Variants in MYH11 observed in about 807,000 individuals in gnomAD.
MYH11 encodes the protein myosin heavy chain 11.
Under a neutral mutation model 246.6 loss-of-function variants are expected in MYH11, and 80 were observed. The observed-to-expected ratio is 0.32, with a 90% CI of 0.27 to 0.39. The LOEUF (loss-of-function observed/expected upper bound fraction) is 0.39, where lower values mean the gene tolerates loss of function less well. Ranked by LOEUF, MYH11 falls within the 10% of genes least tolerant of loss-of-function variation. MYH11 has a pLI of 1.00. For synonymous variants in MYH11, 1,071 were observed against 1,015.5 expected (o/e 1.05, Z -1.04); for missense variants, 2,158 against 2,546.8 (o/e 0.85, Z 3.29).
intron 5 of MYH11, among the ~76,000 whole-genome samples, chr16:15,784,205 G>C (rs1020598428): frequency 6.6e-6 from 1 of 152,104 alleles, no homozygotes; most frequent in Non-Finnish European, 1.5e-5. Context: ...GGACACACTG[G>C]TGCACCAGGG....
intron 1 of MYH11, among the ~76,000 whole-genome samples, chr16:15,854,910 C>G (rs1287082811): frequency 6.7e-6 from 1 of 148,842 alleles, no homozygotes; most frequent in African/African-American, 2.5e-5. Flanking sequence ...CAAATCTCTT[C>G]TCCTTAGGGT....
chr16:15,753,557 AG>A lies in MYH11; in HGVS notation c.1750-50del, dbSNP rs757941230. On this transcript the variant is annotated intron_variant, in intron 14 of 40. Transcript: ENST00000300036. ...AGAACCCCTGGGAAACTAGAAACTT[AG>A]AAACCAAGGCCAGGACCCCAGCCCT... 6 of 1,472,264 alleles carry A rather than the reference AG, an allele frequency of 4.1e-6. No homozygotes were observed. In the Admixed American group the frequency reaches 1.0e-4, roughly 25 times the overall value. The allele number at this position is 1,472,264 out of a possible 1,614,324, so 91.2% of individuals were successfully genotyped here.
At position 15,705,430 on chromosome 16, in the gene MYH11, AAG is replaced by A. The variant is rs1237813553; in HGVS notation, c.5787-1309_5787-1308del. Among the ~76,000 whole-genome samples, 5 of 152,284 alleles carry A rather than the reference AAG, an allele frequency of 3.3e-5. No homozygotes were observed. The East Asian group carries it at 9.7e-4, about 29-fold the overall frequency. ...GTGAGGGGAGACTTTGGGTAGGAGG[AAG>A]AGAGTGGGCAGAAGAAGGAAAAATC... On this transcript the variant is annotated intron_variant, in intron 40 of 40. Coordinates refer to ENST00000300036, the MANE Select transcript of MYH11 (RefSeq NM_002474.3).
At chr16:15,763,741 T>TGGGGCCCCCC in intron 10 of MYH11, 55 bp downstream of exon 10, 8 of 646,820 alleles carry the variant, frequency 1.2e-5, no homozygotes, top group African/African-American at 2.1e-5. Flanking sequence ...AAATGTCACC[T>TGGGGCCCCCC]CCCCCACCCC....
chr16:15,787,484 T>TTC (rs1444266650), intron 4 of MYH11, among the ~76,000 whole-genome samples: 1 of 107,380 alleles, frequency 9.3e-6, no homozygotes, highest in African/African-American at 3.6e-5. Context: ...TTATCTACTT[T>TTC]TTTTTTTTTT....
intron 5 of MYH11, among the ~76,000 whole-genome samples, chr16:15,784,078 T>C (rs2042413784): frequency 6.6e-6 from 1 of 152,042 alleles, no homozygotes; most frequent in Non-Finnish European, 1.5e-5. Flanking sequence ...GTTGCGTAGC[T>C]GGGGCCTTAC....
chr16:15,735,945 T>A (rs895252738), intron 25 of MYH11, among the ~76,000 whole-genome samples: 1 of 152,228 alleles, frequency 6.6e-6, no homozygotes, highest in African/African-American at 2.4e-5. Flanking sequence ...CTGGCAACTG[T>A]CTGTTCTTTC....
At chr16:15,814,463 G>A (rs1477532790) in intron 3 of MYH11, among the ~76,000 whole-genome samples, 1 of 139,128 alleles carries the variant, frequency 7.2e-6, no homozygotes, top group Non-Finnish European at 1.5e-5. Flanking sequence ...TGAGGCAGGA[G>A]AATCACTTGA....
intron 2 of MYH11, among the ~76,000 whole-genome samples, chr16:15,833,476 A>C (rs945717755): frequency 1.3e-5 from 2 of 152,022 alleles, no homozygotes; most frequent in African/African-American, 2.4e-5. Context: ...CAGAAGACCA[A>C]GGGACCCTTA....
chr16:15,847,668 C>T (rs1415692911), intron 1 of MYH11, among the ~76,000 whole-genome samples: 1 of 152,192 alleles, frequency 6.6e-6, no homozygotes, highest in Non-Finnish European at 1.5e-5. Context: ...GCCTGGGACC[C>T]TGTCTAACCT....
chr16:15,775,855 A>T, intron 8 of MYH11: 1 of 599,900 alleles, frequency 1.7e-6, no homozygotes, highest in South Asian at 2.0e-5. Context: ...ATTGGAGTTG[A>T]TGGCTACTAT....
At chr16:15,769,437 T>C (rs2042050943) in intron 9 of MYH11, among the ~76,000 whole-genome samples, 2 of 152,258 alleles carry the variant, frequency 1.3e-5, no homozygotes, top group South Asian at 2.1e-4. Flanking sequence ...AAGGCAGAGA[T>C]TGCAGTGAGC....
At chr16:15,755,938 G>A (rs2151272322) in intron 14 of MYH11, among the ~76,000 whole-genome samples, 1 of 151,888 alleles carries the variant, frequency 6.6e-6, no homozygotes, top group South Asian at 2.1e-4. Flanking sequence ...TCTCAAAAAG[G>A]AAAAAAGATT....
At chr16:15,728,981 A>G (rs1242389731) in intron 27 of MYH11, among the ~76,000 whole-genome samples, 2 of 152,160 alleles carry the variant, frequency 1.3e-5, no homozygotes, top group Non-Finnish European at 2.9e-5. Flanking sequence ...AGAGAAGCGC[A>G]AGTATCCCGA....
In MYH11 at chr16:15,776,144, C is replaced by T; in HGVS notation, c.823G>A (p.Ala275Thr). The change falls in exon 8 of 41, where the codon GCC (alanine) becomes ACC (threonine). Residue 275 changes from alanine to threonine, a missense_variant. Ala to Thr is a moderately conservative substitution (Grantham distance 58). Coordinates refer to ENST00000300036, the MANE Select transcript of MYH11 (RefSeq NM_002474.3). The stretch of plus-strand genomic sequence containing the variant: ...ATGTGGAATGTCCTCTCGTCTCTGG[C>T]TTGGCGAATTGCCCGTGATTTTTCT... ...LLEKSRAIRQARDERTFHIFY... is the reference protein window; with the variant it reads ...LLEKSRAIRQTRDERTFHIFY... The T allele has an allele frequency of 6.2e-7, 1 of 1,614,154 alleles. No homozygotes were observed. The highest frequency in any genetic ancestry group is 8.5e-7 in the Non-Finnish European group (1 of 1,180,010).
At chr16:15,780,411 G>T (rs1471027116) in intron 6 of MYH11, among the ~76,000 whole-genome samples, 2 of 147,636 alleles carry the variant, frequency 1.4e-5, no homozygotes, top group Non-Finnish European at 3.0e-5. Context: ...ACTCATGGAG[G>T]TAAAAATCTG....
intron 25 of MYH11, among the ~76,000 whole-genome samples, chr16:15,736,468 A>G (rs939306180): frequency 6.6e-6 from 1 of 152,110 alleles, no homozygotes; most frequent in African/African-American, 2.4e-5. Flanking sequence ...TTGTAGGGAC[A>G]GGGTCTTGCT....
chr16:15,844,386 C>T (rs150094577), intron 1 of MYH11, among the ~76,000 whole-genome samples: 1,973 of 152,204 alleles, frequency 0.013, 49 homozygotes, highest in African/African-American at 0.042. Context: ...TTAGTAGAGA[C>T]GGGGTTTCAC....
intron 10 of MYH11, 49 bp downstream of exon 10, chr16:15,763,744 CCCA>C: frequency 1.8e-6 from 1 of 545,418 alleles, no homozygotes; most frequent in East Asian, 4.4e-5. Context: ...TGTCACCTCC[CCCA>C]CCCCCCCAAC....
Sources: allele counts gnomAD v4.1 joint callset (sites outside exome capture counted in the v4.1 genomes callset), GRCh38; gene constraint gnomAD v4.1.1; transcripts MANE v1.5; gene names NCBI Gene and HGNC (gene_info 2026-07-23, HGNC 2026-07-21).